Variants in MFSD12 observed in about 807,000 individuals in gnomAD.
MFSD12 encodes the protein major facilitator superfamily domain containing 12.
In MFSD12, 67 loss-of-function variants were observed where a neutral mutation model predicts 51.2. That is an observed-to-expected ratio of 1.31 (90% CI 1.08 to 1.60). The LOEUF is 1.60. Among genes scored for constraint, MFSD12 ranks in the 40% most tolerant of loss-of-function variants. The pLI, the probability that MFSD12 is intolerant of heterozygous loss-of-function variation, is 0.00. For missense variants in MFSD12, 921 were observed against 673.0 expected (o/e 1.37, Z -4.08); for synonymous variants, 441 against 316.7 (o/e 1.39, Z -4.17).
chr19:3,542,954 T>A (rs747873903), downstream of MFSD12: 1 of 1,513,208 alleles, frequency 6.6e-7, no homozygotes, highest in Non-Finnish European at 9.0e-7. Flanking sequence ...TCCTCTCCCC[T>A]CCCTCTTCTC....
chr19:3,545,016 C>T lies in MFSD12; in HGVS notation c.1290-77G>A. 6 of 1,504,996 alleles carry T rather than the reference C, an allele frequency of 4.0e-6. No homozygotes were observed. The Admixed American group carries it at 6.0e-5, about 15-fold the overall frequency. The allele number at this position is 1,504,996 out of a possible 1,614,324, so 93.2% of individuals were successfully genotyped here. On this transcript the variant is annotated intron_variant, in intron 8 of 9. Coordinates refer to ENST00000355415, the MANE Select transcript of MFSD12 (RefSeq NM_174983.5). ...CACCCAAGCTGAACCTGTGCCTCCC[C>T]TCACCCCCGACAGCGGCTCCGTCCT...
chr19:3,544,968 C>T (rs1245974374), intron 8 of MFSD12, 29 bp from the exon 9 acceptor site: 2 of 1,583,496 alleles, frequency 1.3e-6, no homozygotes, highest in African/African-American at 1.3e-5. Context: ...GATGAGTAGG[C>T]ACCGCGGGTA....
chr19:3,547,515 G>GA lies in MFSD12; in HGVS notation c.869dup (p.Val291ArgfsTer123). ...CCATGTAGGTCTGGGACAGGTTCAC[G>GA]ATGAGCCTGGTGGTCATGTACAGTA... is the stretch of plus-strand genomic sequence containing the variant. On this transcript the variant is annotated frameshift_variant, in exon 5 of 10. Coordinates refer to ENST00000355415, the MANE Select transcript of MFSD12 (RefSeq NM_174983.5). LOFTEE classifies it high-confidence loss of function. 1.2e-6 allele frequency: 2 copies of GA among 1,612,742 alleles called. No homozygotes were observed. Among genetic ancestry groups the GA allele is most frequent in the Non-Finnish European group, 8.5e-7 (1 of 1,179,784 alleles).
At chr19:3,549,089 T>C (rs982501933) in intron 2 of MFSD12, among the ~76,000 whole-genome samples, 36 of 152,050 alleles carry the variant, frequency 2.4e-4, no homozygotes, top group African/African-American at 8.0e-4. Context: ...CGGGGAGGAT[T>C]AAAGAAGCTG....
intron 1 of MFSD12, among the ~76,000 whole-genome samples, chr19:3,552,495 G>C (rs1281428185): frequency 2.3e-5 from 2 of 88,744 alleles, no homozygotes; most frequent in Non-Finnish European, 4.1e-5. Context: ...TTTTTTTTGA[G>C]ACAGAGTCTC....
chr19:3,553,652 C>T (rs1181009654), intron 1 of MFSD12, among the ~76,000 whole-genome samples: 2 of 134,204 alleles, frequency 1.5e-5, no homozygotes, highest in Non-Finnish European at 3.1e-5. Context: ...CGCCTGTAGT[C>T]CCAGCTACTC....
In MFSD12 at chr19:3,544,742, AG is replaced by A; in HGVS notation, c.1421-11del. On this transcript the variant is annotated splice_polypyrimidine_tract_variant and intron_variant, in intron 9 of 9. Transcript: ENST00000355415. ...CGGGCATCACGGTCCCCTGCAAGGG[AG>A]GGGTGGAAATGGCATTAGAGAGTGT... is the stretch of plus-strand genomic sequence containing the variant. The A allele has an allele frequency of 7.5e-7, 1 of 1,335,250 alleles. No homozygotes were observed. 82.7% of individuals were successfully genotyped at this position (1,335,250 alleles called of 1,614,324 possible). A position where few individuals can be genotyped will look rare whatever the true frequency, so the allele number is the denominator to read the frequency against.
chr19:3,543,856 A>C, downstream of MFSD12: 1 of 1,546,922 alleles, frequency 6.5e-7, no homozygotes, highest in Non-Finnish European at 8.7e-7. Flanking sequence ...TACGGGGTGG[A>C]GCCACTGTGG....
At chr19:3,555,943 A>T (rs1425673264) in intron 1 of MFSD12, among the ~76,000 whole-genome samples, 1 of 152,154 alleles carries the variant, frequency 6.6e-6, no homozygotes, top group Non-Finnish European at 1.5e-5. Context: ...AGTCTTATCG[A>T]TGGGCACTGG....
At chr19:3,556,904 T>C (rs2031751563) in intron 1 of MFSD12, among the ~76,000 whole-genome samples, 1 of 151,764 alleles carries the variant, frequency 6.6e-6, no homozygotes, top group Admixed American at 6.6e-5. Context: ...AAAACTCAGC[T>C]CATAGGGCAG....
rs762235813 is a variant in MFSD12, at chr19:3,548,269, TGGCGGGCA to T, written c.510-10_510-3del. On this transcript the variant is annotated splice_polypyrimidine_tract_variant and splice_region_variant and intron_variant, in intron 2 of 9. Transcript: ENST00000355415. ...TTGGCCACCACGGTGAACGCATACC[TGGCGGGCA>T]GGCGGGCAGGGACTCAACAAGACGC... The T allele has an allele frequency of 2.1e-5, 32 of 1,547,956 alleles. No homozygotes were observed. The highest frequency in any genetic ancestry group is 2.7e-5 in the African/African-American group (2 of 73,142).
Position 3,547,945 on chromosome 19 carries a change from G to A in MFSD12, c.740C>T (p.Ala247Val), listed in dbSNP as rs373152041. Reference protein sequence around the residue: ...LGTRERRRPHAEEPGEHTPLL... With the variant: ...LGTRERRRPHVEEPGEHTPLL... ...GGGGGTGTGCTCGCCTGGCTCCTCC[G>A]CATGCGGCCGGCGCCTCTCCCGGGT... Residue 247 changes from alanine (A) to valine (V), a missense_variant, in exon 4 of 10, where the codon GCG becomes GTG. Coordinates refer to ENST00000355415, the MANE Select transcript of MFSD12 (RefSeq NM_174983.5). 2.8e-5 allele frequency: 45 copies of A among 1,593,514 alleles called. No individual in the cohort carries two copies. The highest frequency in any genetic ancestry group is 2.0e-4 in the South Asian group (18 of 90,028).
At chr19:3,549,340 A>T (rs560798751) in intron 2 of MFSD12, among the ~76,000 whole-genome samples, 1 of 152,310 alleles carries the variant, frequency 6.6e-6, no homozygotes, top group East Asian at 1.9e-4. Context: ...CCCAGGATGT[A>T]GCCAGGGCTA....
At chr19:3,543,390 CA>C, downstream of MFSD12, 1 of 1,549,152 alleles carries the variant, frequency 6.5e-7, no homozygotes, top group Non-Finnish European at 8.7e-7. Context: ...TACAACCTGC[CA>C]CGGGCCCCGG....
rs759299630 is a variant in MFSD12, at chr19:3,544,518, G to A, written c.*192C>T. 180 of 1,405,650 alleles carry A rather than the reference G, an allele frequency of 1.3e-4. No homozygotes were observed. The highest frequency in any genetic ancestry group is 1.6e-4 in the Non-Finnish European group (174 of 1,082,638). The allele number at this position is 1,405,650 out of a possible 1,614,324, so 87.1% of individuals were successfully genotyped here. On this transcript the variant is annotated 3_prime_UTR_variant, in exon 10 of 10. Coordinates refer to ENST00000355415, the MANE Select transcript of MFSD12 (RefSeq NM_174983.5). ...GAGAATGGGACACCCTCAAAACCCA[G>A]GGGGTCCTTGCAAGTCCCTGGCGGG...
chr19:3,543,845 G>A, downstream of MFSD12: 2 of 1,541,758 alleles, frequency 1.3e-6, no homozygotes, highest in Non-Finnish European at 1.8e-6. Context: ...ACAGGAACCG[G>A]TACGGGGTGG....
chr19:3,541,251 G>C (rs941790091), downstream of MFSD12, among the ~76,000 whole-genome samples: 11 of 151,492 alleles, frequency 7.3e-5, no homozygotes, highest in Admixed American at 5.9e-4. Context: ...TAGGAGGATC[G>C]CTTGAGCCTA....
At chr19:3,545,866 T>C (rs955614963) in intron 8 of MFSD12, among the ~76,000 whole-genome samples, 2 of 152,206 alleles carry the variant, frequency 1.3e-5, no homozygotes, top group African/African-American at 4.8e-5. Flanking sequence ...TCTTCAGCAC[T>C]GCACACATGG....
rs1383447858 is a variant in MFSD12, at chr19:3,557,523, T to C, written c.-120A>G. The C allele has an allele frequency of 1.8e-6, 1 of 546,440 alleles. No individual in the cohort carries two copies. The highest frequency in any genetic ancestry group is 2.5e-6 in the Non-Finnish European group (1 of 400,008). 33.8% of individuals were successfully genotyped at this position (546,440 alleles called of 1,614,324 possible). A position where few individuals can be genotyped will look rare whatever the true frequency, so the allele number is the denominator to read the frequency against. On this transcript the variant is annotated 5_prime_UTR_variant, in exon 1 of 10. Coordinates refer to ENST00000355415, the MANE Select transcript of MFSD12 (RefSeq NM_174983.5). ...CCCACCACGCGCCGGGCACCCCGCG[T>C]CCCGCTCTCTTACGGCCGCGCCCTC...
Sources: gnomAD v4.1 joint callset for allele counts (sites outside exome capture counted in the v4.1 genomes callset) on GRCh38, gnomAD v4.1.1 for gene constraint, MANE v1.5 for transcripts, NCBI Gene and HGNC (gene_info 2026-07-23, HGNC 2026-07-21) for gene names.